ATP2B4: variants seen among roughly 807,000 people sequenced by gnomAD.
The protein encoded by ATP2B4 is plasma membrane calcium-transporting ATPase 4.
ATP2B4 carries 39 observed loss-of-function variants against 110.3 expected under a neutral mutation model. That is an observed-to-expected ratio of 0.35 (90% confidence interval 0.27 to 0.46). The LOEUF is 0.46. Among genes scored for constraint, ATP2B4 ranks in the 20% least tolerant of loss-of-function variants. ATP2B4 has a pLI of 1.00. For synonymous variants in ATP2B4, 538 were observed against 571.7 expected, an observed-to-expected ratio of 0.94 and a Z score of 0.84; for missense variants, 1,135 against 1,530.9, an observed-to-expected ratio of 0.74 and a Z score of 4.32.
chr1:203,643,100 T>C (rs755557455), intron 1 of ATP2B4, among the ~76,000 whole-genome samples: 2 of 152,096 alleles, frequency 1.3e-5, no homozygotes, highest in Non-Finnish European at 2.9e-5. Flanking sequence ...CTCCTGCAAC[T>C]CTCCATCAAA....
intron 1 of ATP2B4, among the ~76,000 whole-genome samples, chr1:203,670,478 C>T (rs975468118): frequency 7.9e-5 from 12 of 152,190 alleles, no homozygotes; most frequent in Non-Finnish European, 1.6e-4. Context: ...TGCGCCCGGC[C>T]GAGTTCATAC....
rs1667030875 is a variant in ATP2B4 at position 203,743,359 on chromosome 1, T to G, written c.*3505T>G. 1 of 152,690 alleles carries G rather than the reference T, an allele frequency of 6.5e-6. No homozygotes were observed. Among genetic ancestry groups the G allele is most frequent in the South Asian group, 2.1e-4 (1 of 4,832 alleles). 9.5% of individuals were successfully genotyped at this position (152,690 alleles called of 1,614,324 possible). A position where few individuals can be genotyped will look rare whatever the true frequency, so the allele number is the denominator to read the frequency against. Reference sequence around the variant, plus strand: ...ATGCATTGGTGAGGGTGGGCACTTATAAATGCCTGCTATTGTTAAGCCATT... The same window carrying G: ...ATGCATTGGTGAGGGTGGGCACTTAGAAATGCCTGCTATTGTTAAGCCATT... On this transcript the variant is annotated 3_prime_UTR_variant, in exon 21 of 21. Transcript: ENST00000357681.
At chr1:203,671,905 C>T (rs1282186740) in intron 1 of ATP2B4, among the ~76,000 whole-genome samples, 1 of 152,200 alleles carries the variant, frequency 6.6e-6, no homozygotes, top group African/African-American at 2.4e-5. Context: ...TGAGCAGGCT[C>T]CTTGCCTGGG....
intron 1 of ATP2B4, among the ~76,000 whole-genome samples, chr1:203,662,396 A>G (rs1399051835): frequency 6.6e-6 from 1 of 152,118 alleles, no homozygotes; most frequent in East Asian, 1.9e-4. Flanking sequence ...TCCCATCACC[A>G]TCATCCATGT....
intron 2 of ATP2B4, among the ~76,000 whole-genome samples, chr1:203,691,741 G>T (rs2102374175): frequency 6.6e-6 from 1 of 152,326 alleles, no homozygotes; most frequent in East Asian, 1.9e-4. Flanking sequence ...TGCTGAAGCA[G>T]GGAAACTGCT....
intron 1 of ATP2B4, among the ~76,000 whole-genome samples, chr1:203,676,540 C>A (rs966381422): frequency 1.3e-5 from 2 of 152,138 alleles, no homozygotes; most frequent in African/African-American, 4.8e-5. Flanking sequence ...AGGGCACTGT[C>A]CTTTGGAAGC....
At chr1:203,646,259 A>C (rs1294375183) in intron 1 of ATP2B4, among the ~76,000 whole-genome samples, 1 of 151,622 alleles carries the variant, frequency 6.6e-6, no homozygotes, top group Non-Finnish European at 1.5e-5. Flanking sequence ...GAGATAAAAT[A>C]CTTTTATCCA....
chr1:203,700,416 C>G, intron 5 of ATP2B4, 85 bp downstream of exon 5: 1 of 1,498,150 alleles, frequency 6.7e-7, no homozygotes, highest in Non-Finnish European at 9.0e-7. Context: ...TCTCCTCTGA[C>G]TCTGTCCCAT....
At chr1:203,694,810 A>G (rs1313009988) in intron 2 of ATP2B4, among the ~76,000 whole-genome samples, 1 of 152,178 alleles carries the variant, frequency 6.6e-6, no homozygotes, top group Non-Finnish European at 1.5e-5. Flanking sequence ...GAGACCAGTT[A>G]GAAGATGATT....
chr1:203,733,473 C>T, intron 20 of ATP2B4: 1 of 1,379,568 alleles, frequency 7.2e-7, no homozygotes. Context: ...CCACTTTAAC[C>T]AACCATGGTT....
chr1:203,714,889 A>G (rs932955828), intron 15 of ATP2B4, among the ~76,000 whole-genome samples: 27 of 152,168 alleles, frequency 1.8e-4, no homozygotes, highest in Admixed American at 1.4e-3. Flanking sequence ...GTGGAAGGAC[A>G]TTTAAGAAGT....
intron 19 of ATP2B4, among the ~76,000 whole-genome samples, chr1:203,724,531 A>G (rs1178678352): frequency 6.6e-6 from 1 of 152,032 alleles, no homozygotes; most frequent in South Asian, 2.1e-4. Context: ...AGAAAAAAAA[A>G]AGAAAAATCC....
At chr1:203,698,690 C>G (rs542500219) in intron 3 of ATP2B4, among the ~76,000 whole-genome samples, 1 of 152,016 alleles carries the variant, frequency 6.6e-6, no homozygotes, top group East Asian at 1.9e-4. Flanking sequence ...GTCACCCAGG[C>G]TGGGTGCAGC....
intron 3 of ATP2B4, 60 bp downstream of exon 3, chr1:203,698,414 A>C (rs1488694535): frequency 6.4e-7 from 1 of 1,552,666 alleles, no homozygotes; most frequent in Admixed American, 1.7e-5. Flanking sequence ...CACCACCACC[A>C]AGCGCTTAGT....
intron 1 of ATP2B4, among the ~76,000 whole-genome samples, chr1:203,641,082 T>G (rs1218604836): frequency 6.6e-6 from 1 of 152,142 alleles, no homozygotes; most frequent in Non-Finnish European, 1.5e-5. Context: ...AACTTAGGTG[T>G]GGGAAGTGTA....
chr1:203,723,199 C>T (rs1325059207), intron 18 of ATP2B4, among the ~76,000 whole-genome samples: 1 of 151,670 alleles, frequency 6.6e-6, no homozygotes, highest in Non-Finnish European at 1.5e-5. Flanking sequence ...AGACTATGAG[C>T]TGATCATGTC....
At chr1:203,718,509 A>G (rs1252425540) in intron 15 of ATP2B4, among the ~76,000 whole-genome samples, 1 of 152,070 alleles carries the variant, frequency 6.6e-6, no homozygotes, top group African/African-American at 2.4e-5. Flanking sequence ...CATTTTGGCC[A>G]GAGTGGTCTC....
chr1:203,674,225 A>G (rs1159019628), intron 1 of ATP2B4, among the ~76,000 whole-genome samples: 1 of 152,190 alleles, frequency 6.6e-6, no homozygotes, highest in Non-Finnish European at 1.5e-5. Context: ...CAGACCTTCC[A>G]GATGGCATTG....
chr1:203,699,504 C>T lies in ATP2B4; in HGVS notation c.436C>T (p.Gln146Ter). The T allele has an allele frequency of 6.2e-7, 1 of 1,614,202 alleles. No individual in the cohort carries two copies. The change falls in exon 4 of 21, where the codon CAA becomes TAA. Residue 146 changes from glutamine to a stop codon, truncating the protein, a stop_gained. Coordinates refer to ENST00000357681, the MANE Select transcript of ATP2B4 (RefSeq NM_001684.5). LOFTEE classifies it high-confidence loss of function. ...TACCCCAGAAGATGAAAATGAGGCA[C>T]AAGCTGGCTGGATTGAGGGGGCAGC... Reference protein sequence around the residue: ...ATTPEDENEAQAGWIEGAAIL... With the variant: ...ATTPEDENEA
Sources: allele counts gnomAD v4.1 joint callset (sites outside exome capture counted in the v4.1 genomes callset), GRCh38; gene constraint gnomAD v4.1.1; transcripts MANE v1.5; gene names NCBI Gene and HGNC (gene_info 2026-07-23, HGNC 2026-07-21).